RNF39: variants seen among roughly 807,000 people sequenced by gnomAD.
The protein encoded by RNF39 is LTP (long-term potentiation) induced RING finger protein.
A neutral mutation model predicts 29.2 loss-of-function variants in RNF39; 25 were observed. The ratio of observed to expected loss-of-function variants is 0.86; its 90% confidence interval spans 0.62 to 1.20. The LOEUF is 1.20. RNF39 is among the 50% of genes most tolerant of loss of function. The probability of loss-of-function intolerance (pLI) is 0.00; values close to 1 mark genes in which losing one functional copy is unlikely to be tolerated. For missense variants in RNF39, 519 were observed against 515.0 expected (o/e 1.01, Z -0.08); for synonymous variants, 219 against 229.0 (o/e 0.96, Z 0.40).
rs147813999 is a variant in RNF39 at position 30,072,945 on chromosome 6, A to G, written c.478+212T>C. Among the ~76,000 whole-genome samples the G allele has an allele frequency of 1.1e-4, 16 of 152,348 alleles. No homozygotes were observed. The East Asian group carries it at 2.5e-3, about 24-fold the overall frequency. ...CTCATGGCCGTCAGAAGGAACCAAC[A>G]CTGCTGACACCTTGATTTCAGACTT... On this transcript the variant is annotated intron_variant, in intron 3 of 3. Transcript: ENST00000244360. The surrounding 1 kb of genome is among the most constrained non-coding windows in gnomAD (Gnocchi z 4.5).
rs1222550961 is a variant in RNF39, at chr6:30,071,025, G to A, written c.*86C>T. The A allele has an allele frequency of 8.9e-7, 1 of 1,118,880 alleles. No homozygotes were observed. Among genetic ancestry groups the A allele is most frequent in the South Asian group, 1.3e-5 (1 of 75,380 alleles). The allele number at this position is 1,118,880 out of a possible 1,614,324, so 69.3% of individuals were successfully genotyped here. On this transcript the variant is annotated 3_prime_UTR_variant, in exon 4 of 4. Coordinates refer to ENST00000244360, the MANE Select transcript of RNF39 (RefSeq NM_025236.4). This position sits in a 1 kb window ranked among gnomAD's most constrained non-coding sequence, Gnocchi z 5.0. ...ACTCCTGCAATGGGCGTGTGAATGT[G>A]TTCCCAGAAATGAGTGGGGAATTCC... is the stretch of plus-strand genomic sequence containing the variant.
At chr6:30,073,092 T>C (rs760660575) in intron 3 of RNF39, 65 bp downstream of exon 3, 2 of 1,201,808 alleles carry the variant, frequency 1.7e-6, no homozygotes, top group Non-Finnish European at 2.5e-6. Context: ...TTTTTAGGGC[T>C]AAAAGGAAGA....
At position 30,072,710 on chromosome 6, in the gene RNF39, T is replaced by C; in HGVS notation, c.478+447A>G. Among the ~76,000 whole-genome samples the C allele has an allele frequency of 6.6e-6, 1 of 152,228 alleles. No individual in the cohort carries two copies. Among genetic ancestry groups the C allele is most frequent in the Non-Finnish European group, 1.5e-5 (1 of 68,038 alleles). On this transcript the variant is annotated intron_variant, in intron 3 of 3. Transcript: ENST00000244360. This position sits in a 1 kb window ranked among gnomAD's most constrained non-coding sequence, Gnocchi z 4.5. ...GGTTGAAGTCCTCCAAACCTCAGAATGTTACCTTGTTTTGAAACAGGATCT... is the reference window on the plus strand; with the variant it reads ...GGTTGAAGTCCTCCAAACCTCAGAACGTTACCTTGTTTTGAAACAGGATCT...
rs1766013079 is a variant in RNF39, at chr6:30,071,816, CAAAAGGCGACTGCAGGACCA to C, written c.479-145_479-126del. On this transcript the variant is annotated intron_variant, in intron 3 of 3. Coordinates refer to ENST00000244360, the MANE Select transcript of RNF39 (RefSeq NM_025236.4). This position sits in a 1 kb window ranked among gnomAD's most constrained non-coding sequence, Gnocchi z 5.0. Reference sequence around the variant, plus strand: ...GAGAGCTAGTGACCACACAACAGCTCAAAAGGCGACTGCAGGACCAAAAAGAAGGAAGGCATATGAAGAGC... The same window carrying C: ...GAGAGCTAGTGACCACACAACAGCTCAAAAGAAGGAAGGCATATGAAGAGC... The C allele has an allele frequency of 1.3e-6, 1 of 795,120 alleles. No homozygotes were observed. Among genetic ancestry groups the C allele is most frequent in the African/African-American group, 1.8e-5 (1 of 54,676 alleles). The allele number at this position is 795,120 out of a possible 1,614,324, so 49.3% of individuals were successfully genotyped here.
At position 30,071,282 on chromosome 6, in the gene RNF39, G is replaced by C; in HGVS notation, c.888C>G (p.Arg296=). 6.6e-7 allele frequency: 1 copy of C among 1,503,972 alleles called. No individual in the cohort carries two copies. The highest frequency in any genetic ancestry group is 8.9e-7 in the Non-Finnish European group (1 of 1,129,204). The allele number at this position is 1,503,972 out of a possible 1,614,324, so 93.2% of individuals were successfully genotyped here. The part of the protein sequence containing the change: ...LLGGVEPPPR[R]IRVDLDWERG... Reference sequence around the variant, plus strand: ...GCTCCCAGTCCAGGTCCACGCGAATGCGCCGCGGCGGGGGCTCAACACCGC... The same window carrying C: ...GCTCCCAGTCCAGGTCCACGCGAATCCGCCGCGGCGGGGGCTCAACACCGC... Residue 296 remains arginine, a synonymous_variant, in exon 4 of 4, where the codon CGC becomes CGG. Coordinates refer to ENST00000244360, the MANE Select transcript of RNF39 (RefSeq NM_025236.4). The surrounding 1 kb of genome is among the most constrained non-coding windows in gnomAD (Gnocchi z 5.0).
intron 2 of RNF39, 63 bp downstream of exon 2, chr6:30,073,393 A>C (rs1163994330): frequency 1.9e-6 from 3 of 1,606,336 alleles, no homozygotes; most frequent in Non-Finnish European, 2.6e-6. Context: ...GTGTGGGCCC[A>C]GTGAGAACGT....
Position 30,072,011 on chromosome 6 carries a change from G to A in RNF39, c.479-320C>T, listed in dbSNP as rs1450138268. On this transcript the variant is annotated intron_variant, in intron 3 of 3. Transcript: ENST00000244360. This position sits in a 1 kb window ranked among gnomAD's most constrained non-coding sequence, Gnocchi z 4.5. ...GTGGGGTTGGGGGAGGAAGAGTGAGGCTGATCTGACTTCGAGGGAGGAGTA... is the reference window on the plus strand; with the variant it reads ...GTGGGGTTGGGGGAGGAAGAGTGAGACTGATCTGACTTCGAGGGAGGAGTA... Among the ~76,000 whole-genome samples, 1 of 152,090 alleles carries A rather than the reference G, an allele frequency of 6.6e-6. No individual in the cohort carries two copies. The highest frequency in any genetic ancestry group is 1.5e-5 in the Non-Finnish European group (1 of 68,010).
In RNF39 at chr6:30,071,602, G is replaced by A. The variant is rs1168727639; in HGVS notation, c.568C>T (p.Pro190Ser). Residue 190 changes from proline to serine, a missense_variant, in exon 4 of 4, where the codon CCC becomes TCC. Coordinates refer to ENST00000244360, the MANE Select transcript of RNF39 (RefSeq NM_025236.4). This position sits in a 1 kb window ranked among gnomAD's most constrained non-coding sequence, Gnocchi z 5.0. ...CGCTTGGGGCCGTCAGGGGGCGCGG[G>A]CGTCCCTGGTGGGGCCAGTTGTACG... ...RSVQLAPPGT[P>S]APPDGPKRFD... 3 of 1,465,804 alleles carry A rather than the reference G, an allele frequency of 2.0e-6. No homozygotes were observed. In the South Asian group the frequency reaches 4.0e-5, roughly 20 times the overall value. 90.8% of individuals were successfully genotyped at this position (1,465,804 alleles called of 1,614,324 possible). A position where few individuals can be genotyped will look rare whatever the true frequency, so the allele number is the denominator to read the frequency against.
At position 30,071,330 on chromosome 6, in the gene RNF39, C is replaced by A; in HGVS notation, c.840G>T (p.Thr280=). ...EGRGGRLWAL[T]APEPTLLGGV... ...CGCCCAGCAGGGTGGGTTCGGGTGC[C>A]GTGAGGGCCCACAGGCGGCCGCCGC... is the stretch of plus-strand genomic sequence containing the variant. Residue 280 remains threonine, a synonymous_variant, in exon 4 of 4, where the codon ACG becomes ACT. Coordinates refer to ENST00000244360, the MANE Select transcript of RNF39 (RefSeq NM_025236.4). This position sits in a 1 kb window ranked among gnomAD's most constrained non-coding sequence, Gnocchi z 5.0. 6.8e-7 allele frequency: 1 copy of A among 1,472,720 alleles called. No individual in the cohort carries two copies. 91.2% of individuals were successfully genotyped at this position (1,472,720 alleles called of 1,614,324 possible).
Position 30,071,740 on chromosome 6 carries a change from T to A in RNF39, c.479-49A>T. On this transcript the variant is annotated intron_variant, in intron 3 of 3. Coordinates refer to ENST00000244360, the MANE Select transcript of RNF39 (RefSeq NM_025236.4). This position sits in a 1 kb window ranked among gnomAD's most constrained non-coding sequence, Gnocchi z 5.0. Reference sequence around the variant, plus strand: ...GGACCTCATGAGAGAGTTTTCTAAATCACAGGCGGGGTAGGGTGGAGAATA... The same window carrying A: ...GGACCTCATGAGAGAGTTTTCTAAAACACAGGCGGGGTAGGGTGGAGAATA... 1 of 1,357,052 alleles carries A rather than the reference T, an allele frequency of 7.4e-7. No individual in the cohort carries two copies. Among genetic ancestry groups the A allele is most frequent in the Non-Finnish European group, 9.6e-7 (1 of 1,045,430 alleles). The allele number at this position is 1,357,052 out of a possible 1,614,324, so 84.1% of individuals were successfully genotyped here. A position where few individuals can be genotyped will look rare whatever the true frequency, so the allele number is the denominator to read the frequency against.
In RNF39 at chr6:30,071,239, AG is replaced by A; in HGVS notation, c.930del (p.Tyr311ThrfsTer91). ...AGCAGGTCGAGTGAGCGGCCGTCGT[AG>A]AAGGCCACGCGGCCCCGCTCCCAGT... ...DLDWERGRVA[F>X]YDGRSLDLLY... is the part of the protein sequence containing the mutation. On this transcript the variant is annotated frameshift_variant, in exon 4 of 4. Transcript: ENST00000244360. LOFTEE classifies it high-confidence loss of function. The surrounding 1 kb of genome is among the most constrained non-coding windows in gnomAD (Gnocchi z 5.0). 4.6e-6 allele frequency: 7 copies of A among 1,512,432 alleles called. No individual in the cohort carries two copies. Among genetic ancestry groups the A allele is most frequent in the Non-Finnish European group, 6.2e-6 (7 of 1,133,590 alleles). The allele number at this position is 1,512,432 out of a possible 1,614,324, so 93.7% of individuals were successfully genotyped here. A position where few individuals can be genotyped will look rare whatever the true frequency, so the allele number is the denominator to read the frequency against.
At position 30,071,416 on chromosome 6, in the gene RNF39, C is replaced by T; in HGVS notation, c.754G>A (p.Val252Met). ...AGCCTTACGCAGCCCTTGCGTTGCA[C>T]TGATTCCCCGGCCGCGCCCACTGCA... ...HYAVGAAGES[V>M]QRKGCVRLCP... The change falls in exon 4 of 4, where the codon GTG becomes ATG. Residue 252 changes from valine to methionine, a missense_variant. Physicochemically the swap from Val to Met is conservative, Grantham distance 21. Coordinates refer to ENST00000244360, the MANE Select transcript of RNF39 (RefSeq NM_025236.4). This position sits in a 1 kb window ranked among gnomAD's most constrained non-coding sequence, Gnocchi z 5.0. 1.3e-6 allele frequency: 2 copies of T among 1,498,938 alleles called. No individual in the cohort carries two copies. The highest frequency in any genetic ancestry group is 2.2e-5 in the Admixed American group (1 of 44,522). 92.9% of individuals were successfully genotyped at this position (1,498,938 alleles called of 1,614,324 possible). A position where few individuals can be genotyped will look rare whatever the true frequency, so the allele number is the denominator to read the frequency against.
In RNF39 at chr6:30,071,402, G is replaced by T; in HGVS notation, c.768C>A (p.Gly256=). 1 of 1,487,878 alleles carries T rather than the reference G, an allele frequency of 6.7e-7. No individual in the cohort carries two copies. The allele number at this position is 1,487,878 out of a possible 1,614,324, so 92.2% of individuals were successfully genotyped here. ...CCCCCGCAGGGCACAGCCTTACGCA[G>T]CCCTTGCGTTGCACTGATTCCCCGG... The part of the protein sequence containing the change: ...GAAGESVQRK[G]CVRLCPAGAV... Residue 256 remains glycine, a synonymous_variant, in exon 4 of 4, where the codon GGC becomes GGA. Coordinates refer to ENST00000244360, the MANE Select transcript of RNF39 (RefSeq NM_025236.4). This position sits in a 1 kb window ranked among gnomAD's most constrained non-coding sequence, Gnocchi z 5.0.
rs60940958 is a variant in RNF39, at chr6:30,074,739, A to G, written c.363+484T>C. Among the ~76,000 whole-genome samples the G allele has an allele frequency of 0.071, 10,656 of 151,008 alleles. 769 individuals are homozygous for G. Among genetic ancestry groups the G allele is most frequent in the African/African-American group, 0.18 (7,401 of 41,060 alleles). On this transcript the variant is annotated intron_variant, in intron 1 of 3. Coordinates refer to ENST00000244360, the MANE Select transcript of RNF39 (RefSeq NM_025236.4). The surrounding 1 kb of genome is among the most constrained non-coding windows in gnomAD (Gnocchi z 4.1). ...CCAGCCTCCTGCTCCCGCTCCTCTAAGCAGGTTCTGCCCTCGCCCACCATC... is the reference window on the plus strand; with the variant it reads ...CCAGCCTCCTGCTCCCGCTCCTCTAGGCAGGTTCTGCCCTCGCCCACCATC...
At position 30,071,436 on chromosome 6, in the gene RNF39, A is replaced by G; in HGVS notation, c.734T>C (p.Val245Ala). The G allele has an allele frequency of 6.6e-7, 1 of 1,518,236 alleles. No homozygotes were observed. The highest frequency in any genetic ancestry group is 8.8e-7 in the Non-Finnish European group (1 of 1,142,466). The allele number at this position is 1,518,236 out of a possible 1,614,324, so 94.0% of individuals were successfully genotyped here. A position where few individuals can be genotyped will look rare whatever the true frequency, so the allele number is the denominator to read the frequency against. ...DADDEESHYAVGAAGESVQRK... is the reference protein window; with the variant it reads ...DADDEESHYAAGAAGESVQRK... ...TTGCACTGATTCCCCGGCCGCGCCC[A>G]CTGCATAGTGGCTCTCCTCGTCGTC... Residue 245 changes from valine (V) to alanine (A), a missense_variant, in exon 4 of 4, where the codon GTG becomes GCG. Transcript: ENST00000244360. This position sits in a 1 kb window ranked among gnomAD's most constrained non-coding sequence, Gnocchi z 5.0.
rs747201531 is a variant in RNF39 at position 30,075,714 on chromosome 6, C to A, written c.-129G>T. The A allele has an allele frequency of 6.2e-7, 1 of 1,614,212 alleles. No individual in the cohort carries two copies. The highest frequency in any genetic ancestry group is 1.1e-5 in the South Asian group (1 of 91,084). ...TCTCCGACTCCCGCATTAACTTTTG[C>A]CGCTTTCCGCCCCTCTCCTGGGATT... On this transcript the variant is annotated 5_prime_UTR_variant, in exon 1 of 4. Coordinates refer to ENST00000244360, the MANE Select transcript of RNF39 (RefSeq NM_025236.4).
rs779997998 is a variant in RNF39, at chr6:30,070,716, T to G, written c.*395A>C. 124 of 444,804 alleles carry G rather than the reference T, an allele frequency of 2.8e-4. 6 individuals are homozygous for G. The highest frequency in any genetic ancestry group is 1.8e-3 in the East Asian group (28 of 15,890). 27.6% of individuals were successfully genotyped at this position (444,804 alleles called of 1,614,324 possible). A position where few individuals can be genotyped will look rare whatever the true frequency, so the allele number is the denominator to read the frequency against. ...CTGTGGGGAAGGCCCTGAGCCCTTCTGGAGCTAGGAGTGGCAAGAGTGGGA... is the reference window on the plus strand; with the variant it reads ...CTGTGGGGAAGGCCCTGAGCCCTTCGGGAGCTAGGAGTGGCAAGAGTGGGA... On this transcript the variant is annotated 3_prime_UTR_variant, in exon 4 of 4. Coordinates refer to ENST00000244360, the MANE Select transcript of RNF39 (RefSeq NM_025236.4).
In RNF39 at chr6:30,071,772, G is replaced by GA. The variant is rs1029830318; in HGVS notation, c.479-82dup. 1 of 1,191,984 alleles carries GA rather than the reference G, an allele frequency of 8.4e-7. No individual in the cohort carries two copies. The highest frequency in any genetic ancestry group is 1.7e-5 in the South Asian group (1 of 57,530). The allele number at this position is 1,191,984 out of a possible 1,614,324, so 73.8% of individuals were successfully genotyped here. A position where few individuals can be genotyped will look rare whatever the true frequency, so the allele number is the denominator to read the frequency against. ...CGGGGTAGGGTGGAGAATAGTCAAC[G>GA]AAGATCACGTAAAAGACTGAGAGCT... is the stretch of plus-strand genomic sequence containing the variant. On this transcript the variant is annotated intron_variant, in intron 3 of 3. Transcript: ENST00000244360. This position sits in a 1 kb window ranked among gnomAD's most constrained non-coding sequence, Gnocchi z 5.0.
rs777923900 is a variant in RNF39, at chr6:30,073,451, CT to C, written c.386+4del. On this transcript the variant is annotated splice_donor_region_variant and intron_variant, in intron 2 of 3. Coordinates refer to ENST00000244360, the MANE Select transcript of RNF39 (RefSeq NM_025236.4). ...AAAAGGAGGGAACAGAAAAGTGGAA[CT>C]CACCGTCTCCATGTCTTCCTCATAT... is the stretch of plus-strand genomic sequence containing the variant. 1 of 1,614,094 alleles carries C rather than the reference CT, an allele frequency of 6.2e-7. No homozygotes were observed. Among genetic ancestry groups the C allele is most frequent in the Non-Finnish European group, 8.5e-7 (1 of 1,179,988 alleles).
Sources: allele counts gnomAD v4.1 joint callset (sites outside exome capture counted in the v4.1 genomes callset), GRCh38; gene constraint gnomAD v4.1.1; non-coding constraint Gnocchi (gnomAD v3.1); transcripts MANE v1.5; gene names NCBI Gene and HGNC (gene_info 2026-07-23, HGNC 2026-07-21).